The following GARRE1 variants were observed in gnomAD, a reference collection of about 807,000 sequenced individuals.
The protein encoded by GARRE1 is granule associated Rac and RHOG effector 1, also known as granule associated Rac and RHOG effector protein 1.
Under a neutral mutation model 103.2 loss-of-function variants are expected in GARRE1, and 49 were observed. That is an observed-to-expected ratio of 0.47 (90% confidence interval 0.38 to 0.60). GARRE1 has a LOEUF of 0.60. Among genes scored for constraint, GARRE1 ranks in the 20% least tolerant of loss-of-function variants. The probability of loss-of-function intolerance (pLI) is 0.00; values close to 1 mark genes in which losing one functional copy is unlikely to be tolerated. For synonymous variants in GARRE1, 505 were observed against 532.8 expected, an observed-to-expected ratio of 0.95 and a Z score of 0.72; for missense variants, 1,199 against 1,370.5, an observed-to-expected ratio of 0.87 and a Z score of 1.98.
intron 8 of GARRE1, among the ~76,000 whole-genome samples, chr19:34,336,794 C>T (rs2074163105): frequency 6.6e-6 from 1 of 152,178 alleles, no homozygotes. Flanking sequence ...TTTTCCAATT[C>T]AGGCTGTCAT....
chr19:34,272,937 C>T (rs1243236633), intron 1 of GARRE1, among the ~76,000 whole-genome samples: 3 of 152,192 alleles, frequency 2.0e-5, no homozygotes, highest in Non-Finnish European at 4.4e-5. Flanking sequence ...GGTGTGATGG[C>T]TTACGCCTGT....
chr19:34,344,901 C>G (rs1044548642), intron 10 of GARRE1, among the ~76,000 whole-genome samples: 1 of 151,630 alleles, frequency 6.6e-6, no homozygotes, highest in African/African-American at 2.4e-5. Flanking sequence ...TGCAGTGGCG[C>G]GATCTCGGCT....
At chr19:34,263,473 C>CT (rs908294459) in intron 1 of GARRE1, among the ~76,000 whole-genome samples, 2 of 149,320 alleles carry the variant, frequency 1.3e-5, no homozygotes, top group African/African-American at 2.5e-5. Context: ...TATGTATTTT[C>CT]TTTTTTTTCT....
In GARRE1 at chr19:34,300,863, G is replaced by T. The variant is rs769176897; in HGVS notation, c.390G>T (p.Arg130=). ...VQEHVMEAAS[R]LTSAIKPEIA... ...AGCATGTCATGGAAGCAGCCAGTCG[G>T]CTGACCTCGGCCATAAAGCCTGAGA... Residue 130 remains arginine, a synonymous_variant, in exon 2 of 14, where the codon CGG becomes CGT. Coordinates refer to ENST00000299505, the MANE Select transcript of GARRE1 (RefSeq NM_014686.5). 6.2e-7 allele frequency: 1 copy of T among 1,613,430 alleles called. No homozygotes were observed. Among genetic ancestry groups the T allele is most frequent in the South Asian group, 1.1e-5 (1 of 91,086 alleles).
chr19:34,328,000 G>T lies in GARRE1; in HGVS notation c.953G>T (p.Ser318Ile), dbSNP rs2074119738. 8 of 1,614,020 alleles carry T rather than the reference G, an allele frequency of 5.0e-6. No homozygotes were observed. The highest frequency in any genetic ancestry group is 6.8e-6 in the Non-Finnish European group (8 of 1,180,046). Residue 318 changes from serine to isoleucine, a missense_variant, in exon 6 of 14, where the codon AGC (serine) becomes ATC (isoleucine). By Grantham distance (142) the Ser-to-Ile change is moderately radical (BLOSUM62 -2). Transcript: ENST00000299505. ...CCATGCCTTTTCCAGGGCTGCTGCA[G>T]CGAGGCGGAAGCCCAGCAGACGGGG... Reference protein sequence around the residue: ...AIEASLQGCCSEAEAQQTGRR... With the variant: ...AIEASLQGCCIEAEAQQTGRR...
intron 1 of GARRE1, among the ~76,000 whole-genome samples, chr19:34,271,339 C>G (rs1281799777): frequency 6.6e-6 from 1 of 151,054 alleles, no homozygotes; most frequent in African/African-American, 2.4e-5. Context: ...ACCTCTGTCT[C>G]CCGGGTTCAA....
At chr19:34,329,671 A>T (rs936184996) in intron 6 of GARRE1, among the ~76,000 whole-genome samples, 2 of 152,112 alleles carry the variant, frequency 1.3e-5, no homozygotes, top group Admixed American at 1.3e-4. Context: ...CTGCATCTGT[A>T]CTAAAAATAC....
At chr19:34,257,993 G>A (rs887721510) in intron 1 of GARRE1, among the ~76,000 whole-genome samples, 2 of 150,004 alleles carry the variant, frequency 1.3e-5, no homozygotes, top group African/African-American at 2.5e-5. Context: ...GGGTTCAAAC[G>A]AGTCTCCTGC....
chr19:34,303,715 A>G (rs2145244781), intron 2 of GARRE1, among the ~76,000 whole-genome samples: 1 of 152,178 alleles, frequency 6.6e-6, no homozygotes, highest in South Asian at 2.1e-4. Flanking sequence ...GCCCGGGTTC[A>G]AGCAATTCTC....
intron 1 of GARRE1, among the ~76,000 whole-genome samples, chr19:34,256,283 G>A (rs942310954): frequency 1.3e-5 from 2 of 151,446 alleles, no homozygotes; most frequent in Non-Finnish European, 2.9e-5. Context: ...AGGCCGAGGC[G>A]GGCGGATCAC....
At chr19:34,288,409 C>T (rs2073898903) in intron 1 of GARRE1, among the ~76,000 whole-genome samples, 1 of 152,136 alleles carries the variant, frequency 6.6e-6, no homozygotes, top group South Asian at 2.1e-4. Flanking sequence ...TGTCCTGGAG[C>T]AACCTCTGGA....
intron 1 of GARRE1, among the ~76,000 whole-genome samples, chr19:34,269,508 A>G (rs2073773640): frequency 6.6e-6 from 1 of 152,196 alleles, no homozygotes; most frequent in Non-Finnish European, 1.5e-5. Flanking sequence ...TTTGTCAACC[A>G]ATCAATTATA....
At chr19:34,329,225 G>T (rs1051613895) in intron 6 of GARRE1, among the ~76,000 whole-genome samples, 1 of 152,194 alleles carries the variant, frequency 6.6e-6, no homozygotes, top group African/African-American at 2.4e-5. Flanking sequence ...TGGAATTTGA[G>T]CTTATGTAAT....
At chr19:34,285,886 C>T (rs1313293425) in intron 1 of GARRE1, among the ~76,000 whole-genome samples, 5 of 152,152 alleles carry the variant, frequency 3.3e-5, no homozygotes, top group Admixed American at 2.6e-4. Context: ...TAAGAATTAG[C>T]GAAAACTAGT....
chr19:34,351,595 A>G lies in GARRE1; in HGVS notation c.2904+3A>G. Reference sequence around the variant, plus strand: ...CCACGGTGGAGGATGTGAACCAGGTATTCAGGCAGGCTCTGTGGGCACAGA... The same window carrying G: ...CCACGGTGGAGGATGTGAACCAGGTGTTCAGGCAGGCTCTGTGGGCACAGA... On this transcript the variant is annotated splice_donor_region_variant and intron_variant, in intron 13 of 13. Coordinates refer to ENST00000299505, the MANE Select transcript of GARRE1 (RefSeq NM_014686.5). 1 of 1,610,978 alleles carries G rather than the reference A, an allele frequency of 6.2e-7. No homozygotes were observed. The highest frequency in any genetic ancestry group is 8.5e-7 in the Non-Finnish European group (1 of 1,177,264).
intron 1 of GARRE1, among the ~76,000 whole-genome samples, chr19:34,268,842 C>T (rs1024330628): frequency 5.3e-5 from 8 of 151,940 alleles, no homozygotes; most frequent in African/African-American, 1.7e-4. Flanking sequence ...GATTACTACC[C>T]GTTTCATTTA....
Position 34,339,862 on chromosome 19 carries a change from C to A in GARRE1, c.1362-5C>A, listed in dbSNP as rs758649320. 2.5e-6 allele frequency: 4 copies of A among 1,614,056 alleles called. No homozygotes were observed. Among genetic ancestry groups the A allele is most frequent in the Non-Finnish European group, 2.5e-6 (3 of 1,179,996 alleles). The stretch of plus-strand genomic sequence containing the variant: ...CAAGACTAATGCAGCCTAATCTATG[C>A]CTAGGTGCCTGAAAGAAGACCCTGC... On this transcript the variant is annotated splice_region_variant and splice_polypyrimidine_tract_variant and intron_variant, in intron 8 of 13. Transcript: ENST00000299505.
At chr19:34,287,136 CAAAAA>C (rs34541474) in intron 1 of GARRE1, among the ~76,000 whole-genome samples, 1 of 98,814 alleles carries the variant, frequency 1.0e-5, no homozygotes. Context: ...AAGACTGTCT[CAAAAA>C]AAAAAAAAAA....
intron 1 of GARRE1, chr19:34,296,508 T>C: frequency 6.3e-7 from 1 of 1,595,136 alleles, no homozygotes; most frequent in Non-Finnish European, 8.5e-7. Context: ...CTTAACCTCC[T>C]TGGGCTTTAC....
Sources: gnomAD v4.1 joint callset for allele counts (sites outside exome capture counted in the v4.1 genomes callset) on GRCh38, gnomAD v4.1.1 for gene constraint, MANE v1.5 for transcripts, NCBI Gene and HGNC (gene_info 2026-07-23, HGNC 2026-07-21) for gene names.